The following IL20 variants were observed in gnomAD, a reference collection of about 807,000 sequenced individuals.
IL20 encodes the protein interleukin 20.
Under a neutral mutation model 19.2 loss-of-function variants are expected in IL20, and 22 were observed. That is an observed-to-expected ratio of 1.15 (90% CI 0.82 to 1.64). IL20 has a LOEUF of 1.64. Among genes scored for constraint, IL20 ranks in the 40% most tolerant of loss-of-function variants. The probability of loss-of-function intolerance (pLI) is 0.00; values close to 1 mark genes in which losing one functional copy is unlikely to be tolerated. For missense variants in IL20, 215 were observed against 212.8 expected (o/e 1.01, Z -0.06); for synonymous variants, 70 against 76.2 (o/e 0.92, Z 0.43).
Position 206,865,742 on chromosome 1 carries a change from C to T in IL20, c.-31+56C>T. 2 of 1,499,502 alleles carry T rather than the reference C, an allele frequency of 1.3e-6. No individual in the cohort carries two copies. Among genetic ancestry groups the T allele is most frequent in the Non-Finnish European group, 1.8e-6 (2 of 1,124,554 alleles). The allele number at this position is 1,499,502 out of a possible 1,614,324, so 92.9% of individuals were successfully genotyped here. A position where few individuals can be genotyped will look rare whatever the true frequency, so the allele number is the denominator to read the frequency against. On this transcript the variant is annotated intron_variant, in intron 1 of 5. Coordinates refer to ENST00000367098, the MANE Select transcript of IL20 (RefSeq NM_018724.4). The surrounding 1 kb of genome is among the most constrained non-coding windows in gnomAD (Gnocchi z 4.1). ...AGGCCAGATAAGGCTGTTCTCTTCC[C>T]CTGACCCCCCACCCCTCACCCCGTG...
chr1:206,864,426 G>A (rs1558630640), upstream of IL20, among the ~76,000 whole-genome samples: 3 of 151,362 alleles, frequency 2.0e-5, no homozygotes. Context: ...TGATGTGTGT[G>A]TATATATATA....
rs1677583896 is a variant in IL20, at chr1:206,867,386, T to G, written c.381T>G (p.His127Gln). ...ATTATTCTTTGGGTCCTTTTCAGCA[T>G]GCCCACATGACATGCCATTGTGGGG... is the stretch of plus-strand genomic sequence containing the variant. ...LTIKKDLRLCHAHMTCHCGEE... is the reference protein window; with the variant it reads ...LTIKKDLRLCQAHMTCHCGEE... Residue 127 changes from histidine (H) to glutamine (Q), a missense_variant and splice_region_variant, in exon 5 of 6, where the codon CAT (histidine) becomes CAG (glutamine). His to Gln is a conservative substitution (Grantham distance 24). Transcript: ENST00000367098. 3 of 1,613,452 alleles carry G rather than the reference T, an allele frequency of 1.9e-6. No individual in the cohort carries two copies. Among genetic ancestry groups the G allele is most frequent in the Non-Finnish European group, 2.5e-6 (3 of 1,179,492 alleles).
chr1:206,865,076 C>T (rs1408324069), upstream of IL20, among the ~76,000 whole-genome samples: 1 of 152,192 alleles, frequency 6.6e-6, no homozygotes, highest in African/African-American at 2.4e-5. This position sits in a 1 kb window ranked among gnomAD's most constrained non-coding sequence, Gnocchi z 4.1. Context: ...ACTCTCGAAT[C>T]CACCCAGGAG....
At chr1:206,868,428 G>A in intron 5 of IL20, 59 bp from the exon 6 acceptor site, 1 of 1,296,990 alleles carries the variant, frequency 7.7e-7, no homozygotes, top group East Asian at 2.6e-5. Flanking sequence ...AAAGAGATAG[G>A]TCCTGGAGCA....
chr1:206,866,322 C>A lies in IL20; in HGVS notation c.183C>A (p.Asp61Glu). 6.2e-7 allele frequency: 1 copy of A among 1,614,090 alleles called. No individual in the cohort carries two copies. The highest frequency in any genetic ancestry group is 8.5e-7 in the Non-Finnish European group (1 of 1,179,990). ...AGCAAGCCAAAGATGGAAACATTGA[C>A]ATCAGAATCTTAAGGAGGACTGAGT... is the stretch of plus-strand genomic sequence containing the variant. The part of the protein sequence containing the change: ...GSVQAKDGNI[D>E]IRILRRTESL... The change falls in exon 3 of 6, where the codon GAC becomes GAA. Residue 61 changes from aspartate to glutamate, a missense_variant. Coordinates refer to ENST00000367098, the MANE Select transcript of IL20 (RefSeq NM_018724.4).
rs1029176765 is a variant in IL20 at position 206,868,529 on chromosome 1, G to A, written c.496G>A (p.Asp166Asn). Residue 166 changes from aspartate to asparagine, a missense_variant, in exon 6 of 6, where the codon GAC (aspartate) becomes AAC (asparagine). Coordinates refer to ENST00000367098, the MANE Select transcript of IL20 (RefSeq NM_018724.4). ...AAVVKALGEL[D>N]ILLQWMEETE Reference sequence around the variant, plus strand: ...AGTTGTGAAGGCTTTGGGGGAACTAGACATTCTTCTGCAATGGATGGAGGA... The same window carrying A: ...AGTTGTGAAGGCTTTGGGGGAACTAAACATTCTTCTGCAATGGATGGAGGA... 5.6e-6 allele frequency: 9 copies of A among 1,606,870 alleles called. No homozygotes were observed. Among genetic ancestry groups the A allele is most frequent in the African/African-American group, 2.7e-5 (2 of 74,610 alleles).
intron 4 of IL20, 75 bp downstream of exon 4, chr1:206,866,711 C>T (rs1258651379): frequency 2.7e-5 from 38 of 1,393,580 alleles, no homozygotes; most frequent in Non-Finnish European, 3.5e-5. Context: ...ACTCTCTTTC[C>T]TACCTCCATT....
chr1:206,866,470 G>A lies in IL20; in HGVS notation c.226-14G>A, dbSNP rs899568619. On this transcript the variant is annotated splice_polypyrimidine_tract_variant and intron_variant, in intron 3 of 5. Coordinates refer to ENST00000367098, the MANE Select transcript of IL20 (RefSeq NM_018724.4). ...CCCCTTTCCCCTCACCAATATACCT[G>A]TGGTTTTTTGCAGCCTGCGAATCGA... The A allele has an allele frequency of 1.2e-6, 2 of 1,614,072 alleles. No homozygotes were observed. The highest frequency in any genetic ancestry group is 1.7e-6 in the Non-Finnish European group (2 of 1,179,982).
chr1:206,865,467 T>C (rs1042865413), upstream of IL20: 1 of 1,013,202 alleles, frequency 9.9e-7, no homozygotes, highest in Non-Finnish European at 1.2e-6. This position sits in a 1 kb window ranked among gnomAD's most constrained non-coding sequence, Gnocchi z 4.1. Context: ...GCTATATGCG[T>C]CAATTCCCCA....
chr1:206,868,169 T>TGC (rs1035896331), intron 5 of IL20, among the ~76,000 whole-genome samples: 1 of 149,336 alleles, frequency 6.7e-6, no homozygotes, highest in African/African-American at 2.5e-5. Flanking sequence ...CACAGGCACG[T>TGC]GCACACACAC....
rs1481676211 is a variant in IL20 at position 206,865,678 on chromosome 1, T to C, written c.-39T>C. The C allele has an allele frequency of 2.2e-6, 3 of 1,387,850 alleles. No individual in the cohort carries two copies. Among genetic ancestry groups the C allele is most frequent in the Non-Finnish European group, 2.8e-6 (3 of 1,072,432 alleles). The allele number at this position is 1,387,850 out of a possible 1,614,324, so 86.0% of individuals were successfully genotyped here. ...CTTCTCTTCACGGGAGGCTTGGCAG[T>C]TTTTCTTAGTAAGTTGCGTGGATGG... On this transcript the variant is annotated 5_prime_UTR_variant, in exon 1 of 6. Coordinates refer to ENST00000367098, the MANE Select transcript of IL20 (RefSeq NM_018724.4). The surrounding 1 kb of genome is among the most constrained non-coding windows in gnomAD (Gnocchi z 4.1).
chr1:206,865,608 C>G, upstream of IL20: 1 of 1,306,458 alleles, frequency 7.7e-7, no homozygotes, highest in Non-Finnish European at 9.8e-7. This position sits in a 1 kb window ranked among gnomAD's most constrained non-coding sequence, Gnocchi z 4.1. Context: ...GAGCCACGAC[C>G]TGTGCCACCA....
chr1:206,868,415 A>G (rs2102507078), intron 5 of IL20, 72 bp from the exon 6 acceptor site: 1 of 1,035,130 alleles, frequency 9.7e-7, no homozygotes, highest in Non-Finnish European at 1.4e-6. Context: ...AGACCTATCC[A>G]TAAAAGAGAT....
intron 5 of IL20, 112 bp downstream of exon 5, chr1:206,867,570 C>T: frequency 1.1e-6 from 1 of 888,230 alleles, no homozygotes; most frequent in South Asian, 1.5e-5. Flanking sequence ...GGTTCATAGC[C>T]CTCTGAAATC....
At chr1:206,865,514 C>G, upstream of IL20, 1 of 1,068,530 alleles carries the variant, frequency 9.4e-7, no homozygotes, top group Non-Finnish European at 1.1e-6. This position sits in a 1 kb window ranked among gnomAD's most constrained non-coding sequence, Gnocchi z 4.1. Flanking sequence ...ATGTCATTCT[C>G]TATCTATTCA....
upstream of IL20, chr1:206,865,614 C>T: frequency 7.6e-7 from 1 of 1,315,018 alleles, no homozygotes; most frequent in Non-Finnish European, 9.7e-7. This position sits in a 1 kb window ranked among gnomAD's most constrained non-coding sequence, Gnocchi z 4.1. Flanking sequence ...CGACCTGTGC[C>T]ACCAACTCGC....
rs201490344 is a variant in IL20 at position 206,866,568 on chromosome 1, T to A, written c.310T>A (p.Tyr104Asn). 7 of 1,613,998 alleles carry A rather than the reference T, an allele frequency of 4.3e-6. No homozygotes were observed. In the African/African-American group the frequency reaches 9.3e-5, roughly 22 times the overall value. ...TAAAAACTACCAGACCCCTGACCATTATACTCTCCGGAAGATCAGCAGCCT... is the reference window on the plus strand; with the variant it reads ...TAAAAACTACCAGACCCCTGACCATAATACTCTCCGGAAGATCAGCAGCCT... ...VFKNYQTPDH[Y>N]TLRKISSLAN... The change falls in exon 4 of 6, where the codon TAT becomes AAT. Residue 104 changes from tyrosine (Y) to asparagine (N), a missense_variant. Transcript: ENST00000367098.
chr1:206,864,519 T>C (rs1378971529), upstream of IL20, among the ~76,000 whole-genome samples: 1 of 152,124 alleles, frequency 6.6e-6, no homozygotes, highest in Non-Finnish European at 1.5e-5. Context: ...AGTAGGTTTA[T>C]TACGACTCAT....
chr1:206,866,003 G>A lies in IL20; in HGVS notation c.151G>A (p.Gly51Ser), dbSNP rs758309066. ...EIRNGFSEIR[G>S]SVQAKDGNID... The stretch of plus-strand genomic sequence containing the variant: ...ACGAAATGGATTTTCTGAGATACGG[G>A]GCAGTGTGGTACGTAAGCGGGTATC... Residue 51 changes from glycine to serine, a missense_variant, in exon 2 of 6, where the codon GGC (glycine) becomes AGC (serine). Gly to Ser is a moderately conservative substitution (Grantham distance 56, BLOSUM62 0). Coordinates refer to ENST00000367098, the MANE Select transcript of IL20 (RefSeq NM_018724.4). 36 of 1,613,858 alleles carry A rather than the reference G, an allele frequency of 2.2e-5. No individual in the cohort carries two copies. In the South Asian group the frequency reaches 2.5e-4, roughly 11 times the overall value.
Sources: gnomAD v4.1 joint callset for allele counts (sites outside exome capture counted in the v4.1 genomes callset) on GRCh38, gnomAD v4.1.1 for gene constraint, Gnocchi (gnomAD v3.1) non-coding constraint, MANE v1.5 for transcripts, NCBI Gene and HGNC (gene_info 2026-07-23, HGNC 2026-07-21) for gene names.